Variants in AUTS2 observed in about 807,000 individuals in gnomAD.
AUTS2 encodes activator of transcription and developmental regulator AUTS2.
In AUTS2, 17 loss-of-function variants were observed where a neutral mutation model predicts 112.4. The observed-to-expected ratio is 0.15, with a 90% CI of 0.10 to 0.23. The LOEUF (loss-of-function observed/expected upper bound fraction) is 0.23. Ranked by LOEUF, AUTS2 falls within the 10% of genes least tolerant of loss-of-function variation. The probability of loss-of-function intolerance (pLI) is 1.00; values close to 1 mark genes in which losing one functional copy is unlikely to be tolerated. For synonymous variants in AUTS2, 751 were observed against 702.7 expected (o/e 1.07, Z -1.09); for missense variants, 1,510 against 1,701.6 (o/e 0.89, Z 1.98).
chr7:69,977,568 A>G (rs2129549080), intron 2 of AUTS2, among the ~76,000 whole-genome samples: 1 of 152,320 alleles, frequency 6.6e-6, no homozygotes, highest in African/African-American at 2.4e-5. Flanking sequence ...ATTAAAGCCC[A>G]TGGTCAACCA....
chr7:70,354,451 G>C (rs1268857399), intron 4 of AUTS2, among the ~76,000 whole-genome samples: 1 of 152,200 alleles, frequency 6.6e-6, no homozygotes, highest in Non-Finnish European at 1.5e-5. Flanking sequence ...TCTGTGCCAG[G>C]CTTTGTCATT....
intron 5 of AUTS2, among the ~76,000 whole-genome samples, chr7:70,491,589 TTGTGTG>T (rs71077660): frequency 0.26 from 35,618 of 138,690 alleles, 4,591 homozygotes; most frequent in Middle Eastern, 0.37. Context: ...TGTATATATA[TTGTGTG>T]TGTGTGTGTG....
At chr7:69,649,135 C>T (rs1281399873) in intron 1 of AUTS2, among the ~76,000 whole-genome samples, 11 of 152,094 alleles carry the variant, frequency 7.2e-5, no homozygotes, top group Admixed American at 7.2e-4. Flanking sequence ...GTACATGGTG[C>T]TGTTAGAAAA....
At chr7:70,742,849 G>A (rs190778263) in intron 6 of AUTS2, among the ~76,000 whole-genome samples, 131 of 152,216 alleles carry the variant, frequency 8.6e-4, no homozygotes, top group African/African-American at 2.8e-3. Flanking sequence ...CAATAGAATC[G>A]GAGACTCTTA....
chr7:70,592,581 C>T (rs774331143), intron 5 of AUTS2, among the ~76,000 whole-genome samples: 6 of 152,018 alleles, frequency 3.9e-5, no homozygotes, highest in Non-Finnish European at 8.8e-5. Flanking sequence ...AAGCTGGTCT[C>T]GAACTCCTGA....
intron 6 of AUTS2, among the ~76,000 whole-genome samples, chr7:70,714,316 G>A (rs1221248778): frequency 6.6e-6 from 1 of 152,150 alleles, no homozygotes; most frequent in African/African-American, 2.4e-5. Context: ...GCTGGATAGG[G>A]CGATGTCCAC....
At chr7:70,284,494 C>G (rs936295137) in intron 4 of AUTS2, among the ~76,000 whole-genome samples, 19 of 152,224 alleles carry the variant, frequency 1.2e-4, no homozygotes, top group Middle Eastern at 3.4e-3. Context: ...ATCTCCCACC[C>G]CACCCCATCT....
intron 5 of AUTS2, among the ~76,000 whole-genome samples, chr7:70,472,151 T>A (rs1797409465): frequency 1.3e-5 from 2 of 152,226 alleles, no homozygotes; most frequent in African/African-American, 4.8e-5. Flanking sequence ...ACTGTGCTAC[T>A]CTTCACCCTT....
Position 69,599,620 on chromosome 7 carries a change from CG to C in AUTS2, c.-31del. ...GTGTGGCTGCGGCCGTAGCCTGTGG[CG>C]GGCAAGCGGGGAGACCCCGGCGCAG... On this transcript the variant is annotated 5_prime_UTR_variant, in exon 1 of 19. Coordinates refer to ENST00000342771, the MANE Select transcript of AUTS2 (RefSeq NM_015570.4). This position sits in a 1 kb window ranked among gnomAD's most constrained non-coding sequence, Gnocchi z 7.0. The C allele has an allele frequency of 7.9e-7, 1 of 1,269,484 alleles. No individual in the cohort carries two copies. The highest frequency in any genetic ancestry group is 9.9e-7 in the Non-Finnish European group (1 of 1,009,512). 78.6% of individuals were successfully genotyped at this position (1,269,484 alleles called of 1,614,324 possible). A position where few individuals can be genotyped will look rare whatever the true frequency, so the allele number is the denominator to read the frequency against.
intron 5 of AUTS2, among the ~76,000 whole-genome samples, chr7:70,469,798 GC>G (rs1282960018): frequency 1.3e-5 from 2 of 152,072 alleles, no homozygotes; most frequent in Non-Finnish European, 2.9e-5. Flanking sequence ...CCGCCACCAC[GC>G]CCGGCTAATT....
intron 1 of AUTS2, among the ~76,000 whole-genome samples, chr7:69,842,130 C>A (rs1792008168): frequency 6.6e-6 from 1 of 152,052 alleles, no homozygotes. Flanking sequence ...GCATGCATTT[C>A]TGTTTGAGAA....
intron 5 of AUTS2, among the ~76,000 whole-genome samples, chr7:70,677,703 A>C (rs1033789027): frequency 2.0e-5 from 3 of 152,162 alleles, no homozygotes; most frequent in Non-Finnish European, 4.4e-5. Context: ...GATTATAGGC[A>C]TGAGCCACTG....
intron 1 of AUTS2, among the ~76,000 whole-genome samples, chr7:69,608,771 T>C (rs1792869773): frequency 6.6e-6 from 1 of 152,174 alleles, no homozygotes; most frequent in South Asian, 2.1e-4. Flanking sequence ...TTCTAAGAAA[T>C]GATTTTATAT....
At chr7:70,115,745 C>CA (rs1255144815) in intron 2 of AUTS2, among the ~76,000 whole-genome samples, 1 of 152,180 alleles carries the variant, frequency 6.6e-6, no homozygotes, top group African/African-American at 2.4e-5. Flanking sequence ...GCCCATGCCA[C>CA]ATGCAAACTT....
At chr7:70,428,151 G>A (rs1795507774) in intron 4 of AUTS2, among the ~76,000 whole-genome samples, 1 of 152,190 alleles carries the variant, frequency 6.6e-6, no homozygotes, top group Admixed American at 6.5e-5. Context: ...TATGGTCTCA[G>A]TAAGAACATT....
intron 5 of AUTS2, among the ~76,000 whole-genome samples, chr7:70,640,247 C>G (rs1296926293): frequency 1.3e-5 from 2 of 151,680 alleles, no homozygotes; most frequent in African/African-American, 4.8e-5. Flanking sequence ...TCTCTTGGAG[C>G]TCCTAAGAAA....
intron 5 of AUTS2, among the ~76,000 whole-genome samples, chr7:70,446,959 A>T (rs539104825): frequency 6.6e-6 from 1 of 152,302 alleles, no homozygotes; most frequent in African/African-American, 2.4e-5. Context: ...GGTGCCGCCC[A>T]CAGTGGCTGC....
chr7:70,734,106 C>T (rs1402236666), intron 6 of AUTS2, among the ~76,000 whole-genome samples: 1 of 152,056 alleles, frequency 6.6e-6, no homozygotes, highest in African/African-American at 2.4e-5. Context: ...CAGCCCGCTG[C>T]ATGCGCCAGG....
rs577735055 is a variant in AUTS2, at chr7:70,624,389, C to G, written c.691-74180C>G. 2.6e-5 allele frequency among the ~76,000 whole-genome samples: 4 copies of G among 152,304 alleles called. No homozygotes were observed. The South Asian group carries it at 8.3e-4, about 32-fold the overall frequency. ...TGGTGGTTAGAAATTGGCTTTCTCT[C>G]CCTTAACCAGGTGTTTGATTTTCTG... On this transcript the variant is annotated intron_variant, in intron 5 of 18. Transcript: ENST00000342771.
Sources: allele counts gnomAD v4.1 joint callset (sites outside exome capture counted in the v4.1 genomes callset), GRCh38; gene constraint gnomAD v4.1.1; non-coding constraint Gnocchi (gnomAD v3.1); transcripts MANE v1.5; gene names NCBI Gene and HGNC (gene_info 2026-07-23, HGNC 2026-07-21).